SRSF3: variants seen among roughly 807,000 people sequenced by gnomAD.
SRSF3 encodes the protein serine/arginine-rich splicing factor 3.
For synonymous variants in SRSF3, 87 were observed against 73.6 expected (o/e 1.18, Z -0.93); for missense variants, 58 against 217.1 (o/e 0.27, Z 4.61).
rs376309891 is a variant in SRSF3, at chr6:36,602,071, A to G, written c.*82A>G. ...GTACAGAAAATTCAAGTTTTGTTTG[A>G]GACTTCATAAGCTTGGTGCATTTTT... On this transcript the variant is annotated 3_prime_UTR_variant, in exon 6 of 6. Transcript: ENST00000373715. The G allele has an allele frequency of 1.7e-4, 267 of 1,552,516 alleles. 2 individuals are homozygous for G. In the East Asian group the frequency reaches 2.8e-3, roughly 16 times the overall value.
At chr6:36,599,718 T>TA (rs1403752739) in intron 3 of SRSF3, 1 of 897,848 alleles carries the variant, frequency 1.1e-6, no homozygotes, top group South Asian at 1.3e-5. Flanking sequence ...CCCATCATAA[T>TA]AAAGAGTATT....
chr6:36,597,237 C>T, intron 2 of SRSF3: 1 of 490,650 alleles, frequency 2.0e-6, no homozygotes, highest in South Asian at 2.3e-5. Context: ...TTCTGAGTAA[C>T]TGGGACTACA....
In SRSF3 at chr6:36,602,598, A is replaced by T. The variant is rs1317875302; in HGVS notation, c.*609A>T. 2 of 217,626 alleles carry T rather than the reference A, an allele frequency of 9.2e-6. No individual in the cohort carries two copies. The highest frequency in any genetic ancestry group is 4.5e-5 in the African/African-American group (2 of 44,450). 13.5% of individuals were successfully genotyped at this position (217,626 alleles called of 1,614,324 possible). A position where few individuals can be genotyped will look rare whatever the true frequency, so the allele number is the denominator to read the frequency against. ...TTCCTTATTTGATTGCTGTATATGG[A>T]TACATGGCTGTTCGTGACATTCTTT... On this transcript the variant is annotated 3_prime_UTR_variant, in exon 6 of 6. Transcript: ENST00000373715.
Position 36,603,359 on chromosome 6 carries a change from C to T in SRSF3, c.*1370C>T. ...AATTGAATATGGAGGCATGCATAAC[C>T]TTCCTCTTAGAAAATGGCAGGTGTT... On this transcript the variant is annotated 3_prime_UTR_variant, in exon 6 of 6. Transcript: ENST00000373715. 4.4e-6 allele frequency: 1 copy of T among 224,728 alleles called. No individual in the cohort carries two copies. The highest frequency in any genetic ancestry group is 6.5e-5 in the East Asian group (1 of 15,326). 13.9% of individuals were successfully genotyped at this position (224,728 alleles called of 1,614,324 possible).
Position 36,601,714 on chromosome 6 carries a change from T to C in SRSF3, c.387T>C (p.Leu129=), listed in dbSNP as rs1425327910. The C allele has an allele frequency of 6.2e-7, 1 of 1,602,438 alleles. No individual in the cohort carries two copies. The highest frequency in any genetic ancestry group is 8.5e-7 in the Non-Finnish European group (1 of 1,170,860). ...RSFSRSRSRS[L]SRDRRRERSL... ...TGTTTTTTTGCTTGTTTAGGTCCCT[T>C]TCTAGAGATAGGAGAAGAGAGAGAT... The change falls in exon 5 of 6, where the codon CTT becomes CTC. Residue 129 remains leucine, a synonymous_variant. Coordinates refer to ENST00000373715, the MANE Select transcript of SRSF3 (RefSeq NM_003017.5).
intron 2 of SRSF3, among the ~76,000 whole-genome samples, chr6:36,597,457 T>G (rs1778649600): frequency 6.6e-6 from 1 of 152,136 alleles, no homozygotes; most frequent in Non-Finnish European, 1.5e-5. Flanking sequence ...TTTAAAAAAT[T>G]GTTTACAAAA....
At chr6:36,596,563 GGGCGGGGTGGC>G (rs1326101940) in intron 1 of SRSF3, among the ~76,000 whole-genome samples, 187 bp from the exon 2 acceptor site, 1 of 94,286 alleles carries the variant, frequency 1.1e-5, no homozygotes, top group Non-Finnish European at 2.5e-5. Context: ...AAAGATAATG[GGGCGGGGTGGC>G]GGGGGGGGGG....
intron 1 of SRSF3, 38 bp from the exon 2 acceptor site, chr6:36,596,723 T>C: frequency 6.4e-7 from 1 of 1,572,540 alleles, no homozygotes; most frequent in African/African-American, 1.3e-5. Flanking sequence ...ACTGTAGATG[T>C]TTAGATGAAT....
rs1778743992 is a variant in SRSF3, at chr6:36,603,015, A to C, written c.*1026A>C. On this transcript the variant is annotated 3_prime_UTR_variant, in exon 6 of 6. Transcript: ENST00000373715. ...ATTTTATAAGAAACAGCTGAGAGGC[A>C]CTATGGATTAGTCTTCTGAAGTGAA... 4.5e-6 allele frequency: 1 copy of C among 221,522 alleles called. No homozygotes were observed. Among genetic ancestry groups the C allele is most frequent in the Admixed American group, 5.8e-5 (1 of 17,380 alleles). 13.7% of individuals were successfully genotyped at this position (221,522 alleles called of 1,614,324 possible).
intron 2 of SRSF3, 75 bp from the exon 3 acceptor site, chr6:36,598,774 C>CTG: frequency 6.5e-7 from 1 of 1,539,398 alleles, no homozygotes; most frequent in Non-Finnish European, 8.8e-7. Context: ...GAATAGCCAA[C>CTG]TGAGAGTACT....
Position 36,602,945 on chromosome 6 carries a change from A to C in SRSF3, c.*956A>C, listed in dbSNP as rs1203861704. 5.6e-5 allele frequency: 12 copies of C among 215,886 alleles called. No individual in the cohort carries two copies. Among genetic ancestry groups the C allele is most frequent in the Non-Finnish European group, 1.1e-4 (12 of 107,094 alleles). 13.4% of individuals were successfully genotyped at this position (215,886 alleles called of 1,614,324 possible). A position where few individuals can be genotyped will look rare whatever the true frequency, so the allele number is the denominator to read the frequency against. ...TGTATAGTCAGTTGAACCCACTGTTACCATTGTTCTTATCCCATGGGAAGC... is the reference window on the plus strand; with the variant it reads ...TGTATAGTCAGTTGAACCCACTGTTCCCATTGTTCTTATCCCATGGGAAGC... On this transcript the variant is annotated 3_prime_UTR_variant, in exon 6 of 6. Coordinates refer to ENST00000373715, the MANE Select transcript of SRSF3 (RefSeq NM_003017.5).
chr6:36,595,099 C>G (rs946778863), intron 1 of SRSF3, among the ~76,000 whole-genome samples: 1 of 152,156 alleles, frequency 6.6e-6, no homozygotes, highest in Non-Finnish European at 1.5e-5. Context: ...GTGGTCACGG[C>G]AAATAGGATG....
chr6:36,600,344 T>G, intron 3 of SRSF3: 1 of 922,250 alleles, frequency 1.1e-6, no homozygotes, highest in Non-Finnish European at 1.3e-6. Flanking sequence ...AAAGTAATTC[T>G]TTTTTCTGGA....
Position 36,602,476 on chromosome 6 carries a change from G to A in SRSF3, c.*487G>A, listed in dbSNP as rs1778733405. The stretch of plus-strand genomic sequence containing the variant: ...GAAATGCTGCACTATTAAATTAGAG[G>A]TTTTTGAAAAATCCAACTCTCATCC... On this transcript the variant is annotated 3_prime_UTR_variant, in exon 6 of 6. Coordinates refer to ENST00000373715, the MANE Select transcript of SRSF3 (RefSeq NM_003017.5). The A allele has an allele frequency of 4.4e-6, 1 of 224,740 alleles. No homozygotes were observed. Among genetic ancestry groups the A allele is most frequent in the Non-Finnish European group, 8.8e-6 (1 of 113,034 alleles). The allele number at this position is 224,740 out of a possible 1,614,324, so 13.9% of individuals were successfully genotyped here. A position where few individuals can be genotyped will look rare whatever the true frequency, so the allele number is the denominator to read the frequency against.
intron 3 of SRSF3, 141 bp from the exon 4 acceptor site, chr6:36,601,011 T>C (rs1236500100): frequency 4.9e-5 from 15 of 308,126 alleles, no homozygotes; most frequent in South Asian, 1.6e-4. Flanking sequence ...CTTTTTTTTT[T>C]TTTTTTTTTT....
Position 36,603,962 on chromosome 6 carries a change from A to G in SRSF3, c.*1973A>G, listed in dbSNP as rs1008786512. 6 of 230,584 alleles carry G rather than the reference A, an allele frequency of 2.6e-5. No homozygotes were observed. The highest frequency in any genetic ancestry group is 5.1e-5 in the Non-Finnish European group (6 of 116,556). The allele number at this position is 230,584 out of a possible 1,614,324, so 14.3% of individuals were successfully genotyped here. A position where few individuals can be genotyped will look rare whatever the true frequency, so the allele number is the denominator to read the frequency against. Reference sequence around the variant, plus strand: ...AACCTGAAATAAAAGTAACTTCACCAGGGAGTTATCCTGACTTAGGTGACA... The same window carrying G: ...AACCTGAAATAAAAGTAACTTCACCGGGGAGTTATCCTGACTTAGGTGACA... On this transcript the variant is annotated 3_prime_UTR_variant, in exon 6 of 6. Transcript: ENST00000373715.
chr6:36,595,754 C>G (rs1174967952), intron 1 of SRSF3, among the ~76,000 whole-genome samples: 3 of 152,102 alleles, frequency 2.0e-5, no homozygotes, highest in Admixed American at 6.6e-5. Context: ...CATCTTTGGG[C>G]TACTGTGAAT....
At chr6:36,601,839 A>T in intron 5 of SRSF3, 45 bp downstream of exon 5, 1 of 1,605,572 alleles carries the variant, frequency 6.2e-7, no homozygotes, top group Non-Finnish European at 8.5e-7. Context: ...CATACATAGT[A>T]TGCTAAGGCC....
rs752335860 is a variant in SRSF3, at chr6:36,601,699, C to G, written c.381-9C>G. The G allele has an allele frequency of 6.3e-7, 1 of 1,582,916 alleles. No individual in the cohort carries two copies. The highest frequency in any genetic ancestry group is 8.6e-7 in the Non-Finnish European group (1 of 1,157,582). ...CCTCATTGGTCCTAATGTTTTTTTG[C>G]TTGTTTAGGTCCCTTTCTAGAGATA... On this transcript the variant is annotated splice_polypyrimidine_tract_variant and intron_variant, in intron 4 of 5. Coordinates refer to ENST00000373715, the MANE Select transcript of SRSF3 (RefSeq NM_003017.5).
Sources: allele counts gnomAD v4.1 joint callset (sites outside exome capture counted in the v4.1 genomes callset), GRCh38; gene constraint gnomAD v4.1.1; transcripts MANE v1.5; gene names NCBI Gene and HGNC (gene_info 2026-07-23, HGNC 2026-07-21).